BRAF: variants seen among roughly 807,000 people sequenced by gnomAD.
The protein encoded by BRAF is serine/threonine-protein kinase B-raf.
BRAF carries 16 observed loss-of-function variants against 104.6 expected under a neutral mutation model. The ratio of observed to expected loss-of-function variants is 0.15; its 90% CI spans 0.10 to 0.23. BRAF has a LOEUF of 0.23. BRAF is among the 10% of genes least tolerant of loss of function. The probability of loss-of-function intolerance (pLI) is 1.00; values close to 1 mark genes in which losing one functional copy is unlikely to be tolerated. For synonymous variants in BRAF, 310 were observed against 341.6 expected, an observed-to-expected ratio of 0.91 and a Z score of 1.02; for missense variants, 541 against 937.3, an observed-to-expected ratio of 0.58 and a Z score of 5.52.
chr7:140,717,887 C>G (rs913655052), downstream of BRAF, among the ~76,000 whole-genome samples: 1 of 152,098 alleles, frequency 6.6e-6, no homozygotes, highest in Non-Finnish European at 1.5e-5. Context: ...TAAGTCTTGA[C>G]ATTTATTTTT....
At chr7:140,921,133 C>T (rs1286063281) in intron 1 of BRAF, among the ~76,000 whole-genome samples, 2 of 152,118 alleles carry the variant, frequency 1.3e-5, no homozygotes, top group Non-Finnish European at 1.5e-5. Context: ...TTGTGAGAAG[C>T]TCCCTTCTAC....
intron 1 of BRAF, among the ~76,000 whole-genome samples, chr7:140,906,271 G>A (rs1480892375): frequency 1.3e-5 from 2 of 151,990 alleles, no homozygotes; most frequent in Non-Finnish European, 2.9e-5. Context: ...GCACGACCAA[G>A]GATCACTGCA....
intron 10 of BRAF, chr7:140,785,596 C>T (rs943106936): frequency 2.3e-5 from 9 of 396,160 alleles, no homozygotes; most frequent in Non-Finnish European, 4.0e-5. Flanking sequence ...TTCACACTTA[C>T]AAACACACGC....
chr7:140,784,261 C>T (rs554088020), intron 10 of BRAF, among the ~76,000 whole-genome samples: 1 of 152,260 alleles, frequency 6.6e-6, no homozygotes, highest in East Asian at 1.9e-4. Context: ...ATTATTACAT[C>T]ATATTATATC....
chr7:140,842,957 G>C (rs138631666), intron 2 of BRAF, among the ~76,000 whole-genome samples: 1 of 152,290 alleles, frequency 6.6e-6, no homozygotes, highest in East Asian at 1.9e-4. Flanking sequence ...CTACAATGAA[G>C]AGAAGAAGCA....
intron 1 of BRAF, among the ~76,000 whole-genome samples, chr7:140,894,006 T>C (rs1253791721): frequency 2.6e-5 from 4 of 152,018 alleles, no homozygotes; most frequent in Admixed American, 2.6e-4. Context: ...TGGTAGCACA[T>C]GTCTGTAGTC....
intron 1 of BRAF, among the ~76,000 whole-genome samples, chr7:140,913,633 C>T (rs1173093428): frequency 6.6e-6 from 1 of 151,912 alleles, no homozygotes; most frequent in Non-Finnish European, 1.5e-5. Flanking sequence ...CAGGCACATG[C>T]CACCAGGCCC....
At chr7:140,824,818 C>T (rs1805839909) in intron 3 of BRAF, among the ~76,000 whole-genome samples, 1 of 152,096 alleles carries the variant, frequency 6.6e-6, no homozygotes, top group Admixed American at 6.5e-5. Context: ...CTAATTTCAG[C>T]CATTCTAGGA....
intron 19 of BRAF, among the ~76,000 whole-genome samples, chr7:140,728,197 C>T (rs373044726): frequency 3.9e-5 from 6 of 152,024 alleles, no homozygotes; most frequent in African/African-American, 1.4e-4. Flanking sequence ...TCATGATAAC[C>T]CTATGAGGCA....
At chr7:140,737,685 A>G (rs1796551950) in intron 18 of BRAF, among the ~76,000 whole-genome samples, 1 of 152,224 alleles carries the variant, frequency 6.6e-6, no homozygotes, top group Non-Finnish European at 1.5e-5. Context: ...GTCTATTAAG[A>G]AAGCCTTTCC....
rs1258116905 is a variant in BRAF, at chr7:140,798,542, G to A, written c.980+1820C>T. 6.1e-5 allele frequency among the ~76,000 whole-genome samples: 9 copies of A among 148,094 alleles called. 1 individual carries two copies. Among genetic ancestry groups the A allele is most frequent in the Admixed American group, 6.1e-4 (9 of 14,864 alleles). On this transcript the variant is annotated intron_variant, in intron 7 of 19. Coordinates refer to ENST00000644969, the MANE Select transcript of BRAF (RefSeq NM_001374258.1). ...CCCAAAGTGCTGGGATTACAGGAGTGAGCCACCGCGCCCGGCCTTTTTTTT... is the reference window on the plus strand; with the variant it reads ...CCCAAAGTGCTGGGATTACAGGAGTAAGCCACCGCGCCCGGCCTTTTTTTT...
intron 14 of BRAF, among the ~76,000 whole-genome samples, chr7:140,773,605 A>C (rs927407186): frequency 6.6e-6 from 1 of 152,184 alleles, no homozygotes; most frequent in African/African-American, 2.4e-5. Flanking sequence ...CTAGAGAAGA[A>C]ACTTCCAGTC....
intron 7 of BRAF, among the ~76,000 whole-genome samples, chr7:140,798,131 T>C (rs1050187114): frequency 1.3e-5 from 2 of 152,184 alleles, no homozygotes; most frequent in Non-Finnish European, 2.9e-5. Context: ...TTGAAAAGAT[T>C]TCTCTAGGTA....
At chr7:140,859,524 T>C (rs73494544) in intron 1 of BRAF, among the ~76,000 whole-genome samples, 3,882 of 152,248 alleles carry the variant, frequency 0.025, 177 homozygotes, top group African/African-American at 0.087. Flanking sequence ...TGCATGCAGA[T>C]GTGTTCCCCT....
chr7:140,718,263 TTTTA>T (rs1378406017), downstream of BRAF, among the ~76,000 whole-genome samples: 1 of 152,092 alleles, frequency 6.6e-6, no homozygotes, highest in Admixed American at 6.5e-5. Context: ...CCCAGCTTTT[TTTTA>T]TTTCTTTCTG....
At chr7:140,777,515 T>C (rs1322401313) in intron 13 of BRAF, among the ~76,000 whole-genome samples, 1 of 152,190 alleles carries the variant, frequency 6.6e-6, no homozygotes, top group Non-Finnish European at 1.5e-5. Context: ...AACTGTGCAC[T>C]CTCTTGAACA....
At chr7:140,756,066 T>A (rs752485359) in intron 14 of BRAF, among the ~76,000 whole-genome samples, 2 of 151,774 alleles carry the variant, frequency 1.3e-5, no homozygotes, top group Non-Finnish European at 2.9e-5. Context: ...AAGAATAGAG[T>A]AGACAGAAAT....
At chr7:140,808,387 C>T (rs2129048134) in intron 4 of BRAF, 3 of 431,160 alleles carry the variant, frequency 7.0e-6, no homozygotes, top group Admixed American at 3.1e-5. Flanking sequence ...ATCACAGGTA[C>T]GGACTTATCT....
At chr7:140,857,269 C>T (rs903632829) in intron 1 of BRAF, among the ~76,000 whole-genome samples, 3 of 152,116 alleles carry the variant, frequency 2.0e-5, no homozygotes, top group Non-Finnish European at 4.4e-5. Context: ...AGGAGGTGGC[C>T]ATGAGCCAAG....
Sources: gnomAD v4.1 joint callset for allele counts (sites outside exome capture counted in the v4.1 genomes callset) on GRCh38, gnomAD v4.1.1 for gene constraint, MANE v1.5 for transcripts, NCBI Gene and HGNC (gene_info 2026-07-23, HGNC 2026-07-21) for gene names.